The following CFAP61 variants were observed in gnomAD, a reference collection of about 807,000 sequenced individuals.
CFAP61 encodes the protein cilia- and flagella-associated protein 61.
CFAP61 carries 107 observed loss-of-function variants against 135.6 expected under a neutral mutation model. That is an observed-to-expected ratio of 0.79 (90% CI 0.67 to 0.93). The LOEUF (loss-of-function observed/expected upper bound fraction) is 0.93, where lower values mean the gene tolerates loss of function less well. CFAP61 is among the 40% of genes least tolerant of loss of function. The pLI, the probability that CFAP61 is intolerant of heterozygous loss-of-function variation, is 0.00. For synonymous variants in CFAP61, 575 were observed against 578.5 expected (o/e 0.99, Z 0.09); for missense variants, 1,507 against 1,556.2 (o/e 0.97, Z 0.53).
chr20:20,145,185 C>T (rs961654198), intron 9 of CFAP61, among the ~76,000 whole-genome samples: 2 of 151,996 alleles, frequency 1.3e-5, no homozygotes, highest in African/African-American at 2.4e-5. Context: ...ACTTCACAAA[C>T]AAAAATAGCG....
intron 8 of CFAP61, among the ~76,000 whole-genome samples, chr20:20,105,562 G>A (rs1239740791): frequency 2.6e-5 from 4 of 152,140 alleles, no homozygotes; most frequent in African/African-American, 9.7e-5. Context: ...AGCAAAGTCG[G>A]CTTTACTTAA....
intron 18 of CFAP61, among the ~76,000 whole-genome samples, chr20:20,233,524 C>T (rs574407959): frequency 2.1e-4 from 32 of 152,236 alleles, no homozygotes; most frequent in Non-Finnish European, 2.9e-4. Flanking sequence ...ACAGGGCATA[C>T]GGGACATCAG....
rs1245387806 is a variant in CFAP61 at position 20,056,627 on chromosome 20, T to A, written c.-27T>A. 1.2e-6 allele frequency: 2 copies of A among 1,610,628 alleles called. No homozygotes were observed. Among genetic ancestry groups the A allele is most frequent in the Non-Finnish European group, 1.7e-6 (2 of 1,178,770 alleles). The stretch of plus-strand genomic sequence containing the variant: ...CATATCAGATTAATAGTGGACTTTT[T>A]TCTCTCTTTTGGGGACAGGATAAAA... On this transcript the variant is annotated 5_prime_UTR_variant, in exon 2 of 27. Coordinates refer to ENST00000245957, the MANE Select transcript of CFAP61 (RefSeq NM_015585.4).
chr20:20,303,434 C>T (rs2056230924), intron 25 of CFAP61, among the ~76,000 whole-genome samples: 2 of 152,164 alleles, frequency 1.3e-5, no homozygotes, highest in Admixed American at 6.5e-5. Context: ...GGAGCAGGGA[C>T]AGGAAGATGG....
chr20:20,325,489 G>A (rs1225672012), intron 25 of CFAP61, among the ~76,000 whole-genome samples: 1 of 152,176 alleles, frequency 6.6e-6, no homozygotes, highest in Non-Finnish European at 1.5e-5. Flanking sequence ...GAATCATTCA[G>A]TATGTATGTA....
chr20:20,226,564 C>T lies in CFAP61; in HGVS notation c.1933-1685C>T, dbSNP rs775096740. Among the ~76,000 whole-genome samples the T allele has an allele frequency of 3.3e-5, 5 of 152,142 alleles. No individual in the cohort carries two copies. The East Asian group carries it at 5.8e-4, about 18-fold the overall frequency. Reference sequence around the variant, plus strand: ...AAGAGTCCAAAGGTAGTATGGGTTTCGGGTAGGGTTTGAAAAGAATTCCTG... The same window carrying T: ...AAGAGTCCAAAGGTAGTATGGGTTTTGGGTAGGGTTTGAAAAGAATTCCTG... On this transcript the variant is annotated intron_variant, in intron 17 of 26. Coordinates refer to ENST00000245957, the MANE Select transcript of CFAP61 (RefSeq NM_015585.4).
intron 25 of CFAP61, among the ~76,000 whole-genome samples, chr20:20,334,945 G>A (rs922666076): frequency 6.6e-6 from 1 of 152,168 alleles, no homozygotes; most frequent in African/African-American, 2.4e-5. Flanking sequence ...GGAATAACTA[G>A]AAATACTTAC....
rs146158810 is a variant in CFAP61, at chr20:20,139,869, A to G, written c.860-2988A>G. Among the ~76,000 whole-genome samples the G allele has an allele frequency of 7.1e-4, 108 of 152,306 alleles. 1 individual carries two copies. The highest frequency in any genetic ancestry group is 3.0e-3 in the Admixed American group (46 of 15,302). On this transcript the variant is annotated intron_variant, in intron 8 of 26. Transcript: ENST00000245957. ...TTAAGACTTTTTACTTTTTTGTAAT[A>G]TTTTCCTAATTATAAAAGAAGCATG...
At chr20:20,205,808 TTTTGTTGTTACAAAAAACC>T (rs1475488841) in intron 17 of CFAP61, among the ~76,000 whole-genome samples, 4 of 152,336 alleles carry the variant, frequency 2.6e-5, no homozygotes, top group African/African-American at 7.2e-5. Flanking sequence ...CCTTTGTAAT[TTTTGTTGTTACAAAAAACC>T]TTTGTTGTTA....
intron 14 of CFAP61, 35 bp downstream of exon 14, chr20:20,188,091 GGA>G (rs1422071616): frequency 6.2e-7 from 1 of 1,611,606 alleles, no homozygotes; most frequent in African/African-American, 1.3e-5. Context: ...TCAGGATATG[GGA>G]CCATTATGAT....
Position 20,165,874 on chromosome 20 carries a change from T to C in CFAP61, c.1206-523T>C, listed in dbSNP as rs1025656914. Among the ~76,000 whole-genome samples the C allele has an allele frequency of 2.0e-5, 3 of 152,230 alleles. 1 individual carries two copies. The highest frequency in any genetic ancestry group is 4.4e-5 in the Non-Finnish European group (3 of 68,040). ...TTATTCTAATTATGTTGTAGACATA[T>C]AAAACCTTGTAAAGCCTTTCTATAT... On this transcript the variant is annotated intron_variant, in intron 11 of 26. Coordinates refer to ENST00000245957, the MANE Select transcript of CFAP61 (RefSeq NM_015585.4).
intron 15 of CFAP61, among the ~76,000 whole-genome samples, chr20:20,192,230 T>C (rs1307460014): frequency 2.6e-5 from 4 of 152,068 alleles, no homozygotes; most frequent in Non-Finnish European, 5.9e-5. Context: ...TGTTGAACTT[T>C]TTGGGTTCTT....
chr20:20,314,220 CAAAAAAA>C lies in CFAP61; in HGVS notation c.3422+15848_3422+15854del, dbSNP rs74180988. On this transcript the variant is annotated intron_variant, in intron 25 of 26. Transcript: ENST00000245957. Reference sequence around the variant, plus strand: ...GCAACATAGTGAGACCCCATCTCTACAAAAAAAAAAAAAAAAAAAATTAGCAGGGTGT... The same window carrying C: ...GCAACATAGTGAGACCCCATCTCTACAAAAAAAAAAAAATTAGCAGGGTGT... Among the ~76,000 whole-genome samples, 11 of 95,380 alleles carry C rather than the reference CAAAAAAA, an allele frequency of 1.2e-4. No homozygotes were observed. In the South Asian group the frequency reaches 2.3e-3, roughly 20 times the overall value. The allele number at this position is 95,380 out of a possible 152,430, so 62.6% of individuals were successfully genotyped here.
intron 25 of CFAP61, among the ~76,000 whole-genome samples, chr20:20,333,436 A>T (rs938244379): frequency 6.6e-6 from 1 of 152,204 alleles, no homozygotes; most frequent in Admixed American, 6.5e-5. Flanking sequence ...GACATTAGTA[A>T]ATGGGAAACT....
intron 8 of CFAP61, among the ~76,000 whole-genome samples, chr20:20,117,627 G>A (rs1172929635): frequency 2.0e-5 from 3 of 152,128 alleles, no homozygotes; most frequent in Non-Finnish European, 4.4e-5. Context: ...TATGAAGAAT[G>A]TCATTAGTAT....
chr20:20,338,671 T>C (rs950628309), intron 25 of CFAP61, among the ~76,000 whole-genome samples: 5 of 152,164 alleles, frequency 3.3e-5, no homozygotes, highest in Non-Finnish European at 7.4e-5. Context: ...TCTTTCCCCG[T>C]AGATGTGTTG....
intron 2 of CFAP61, among the ~76,000 whole-genome samples, chr20:20,069,520 C>G (rs2045557546): frequency 6.6e-6 from 1 of 152,192 alleles, no homozygotes; most frequent in African/African-American, 2.4e-5. Flanking sequence ...CTCAAGTAAT[C>G]TGTCCACCTT....
intron 9 of CFAP61, among the ~76,000 whole-genome samples, chr20:20,152,884 A>G (rs2052573703): frequency 6.6e-6 from 1 of 152,204 alleles, no homozygotes; most frequent in Non-Finnish European, 1.5e-5. Flanking sequence ...ACAGATATTT[A>G]TAGAACATTC....
chr20:20,113,609 T>C (rs925560221), intron 8 of CFAP61, among the ~76,000 whole-genome samples: 1 of 152,292 alleles, frequency 6.6e-6, no homozygotes, highest in African/African-American at 2.4e-5. Flanking sequence ...TGCCCCATGT[T>C]GTTTTGCCTT....
Sources: gnomAD v4.1 joint callset for allele counts (sites outside exome capture counted in the v4.1 genomes callset) on GRCh38, gnomAD v4.1.1 for gene constraint, MANE v1.5 for transcripts, NCBI Gene and HGNC (gene_info 2026-07-23, HGNC 2026-07-21) for gene names.